Variants in INSYN2B observed in about 807,000 individuals in gnomAD.
INSYN2B encodes the protein inhibitory synaptic factor family member 2B.
A neutral mutation model predicts 41.2 loss-of-function variants in INSYN2B; 16 were observed. The observed-to-expected ratio is 0.39, with a 90% CI of 0.26 to 0.59. The LOEUF is 0.59. Ranked by LOEUF, INSYN2B falls within the 20% of genes least tolerant of loss-of-function variation. INSYN2B has a pLI of 0.57. For synonymous variants in INSYN2B, 245 were observed against 244.4 expected, an observed-to-expected ratio of 1.00 and a Z score of -0.02; for missense variants, 608 against 646.4, an observed-to-expected ratio of 0.94 and a Z score of 0.64.
intron 1 of INSYN2B, among the ~76,000 whole-genome samples, chr5:169,885,195 A>T (rs770099928): frequency 6.6e-6 from 1 of 152,234 alleles, no homozygotes; most frequent in Non-Finnish European, 1.5e-5. Context: ...ACAAATTGCA[A>T]CTGTTATTAA....
intron 1 of INSYN2B, among the ~76,000 whole-genome samples, chr5:169,932,837 T>C (rs564349560): frequency 1.3e-5 from 2 of 152,072 alleles, no homozygotes; most frequent in Admixed American, 1.3e-4. Context: ...AAAAAAGAGA[T>C]GTGATATCAT....
intron 1 of INSYN2B, among the ~76,000 whole-genome samples, chr5:169,970,588 C>G (rs760445058): frequency 1.7e-4 from 26 of 152,332 alleles, no homozygotes; most frequent in Non-Finnish European, 2.9e-4. Context: ...CCCATCTGTG[C>G]TGCAGGGAGG....
At chr5:169,960,555 A>G (rs1777040998) in intron 1 of INSYN2B, among the ~76,000 whole-genome samples, 2 of 152,216 alleles carry the variant, frequency 1.3e-5, no homozygotes, top group South Asian at 4.1e-4. Flanking sequence ...ATAGGTTTTC[A>G]AGGTGGATTG....
At chr5:169,968,798 A>G (rs1777392879) in intron 1 of INSYN2B, among the ~76,000 whole-genome samples, 1 of 152,186 alleles carries the variant, frequency 6.6e-6, no homozygotes, top group African/African-American at 2.4e-5. Context: ...GTGTGGTTAG[A>G]ACACAAAGAT....
intron 1 of INSYN2B, among the ~76,000 whole-genome samples, chr5:169,900,804 A>C (rs1339091166): frequency 6.6e-6 from 1 of 152,128 alleles, no homozygotes; most frequent in Non-Finnish European, 1.5e-5. Flanking sequence ...AAAACTGAAA[A>C]ATATTTCCTC....
At chr5:169,913,619 C>T (rs1443570434) in intron 1 of INSYN2B, among the ~76,000 whole-genome samples, 4 of 152,152 alleles carry the variant, frequency 2.6e-5, no homozygotes, top group Admixed American at 6.5e-5. Context: ...GGTTTGTATG[C>T]TCTTGGCTTT....
intron 1 of INSYN2B, among the ~76,000 whole-genome samples, chr5:169,956,320 G>T (rs1300743541): frequency 6.6e-6 from 1 of 152,160 alleles, no homozygotes; most frequent in Non-Finnish European, 1.5e-5. Flanking sequence ...AAAAATTAGG[G>T]AAATGATGCC....
At chr5:169,935,971 T>G (rs2113694039) in intron 1 of INSYN2B, among the ~76,000 whole-genome samples, 1 of 152,286 alleles carries the variant, frequency 6.6e-6, no homozygotes. Flanking sequence ...AAAGGCCAGG[T>G]ACACAGCCTT....
chr5:169,889,396 G>T (rs1773159749), intron 1 of INSYN2B, among the ~76,000 whole-genome samples: 2 of 152,204 alleles, frequency 1.3e-5, no homozygotes, highest in Admixed American at 1.3e-4. Context: ...ATACTGTGGA[G>T]ATTCCAAGGA....
At chr5:169,901,744 AT>A (rs1581386278) in intron 1 of INSYN2B, among the ~76,000 whole-genome samples, 1 of 152,346 alleles carries the variant, frequency 6.6e-6, no homozygotes, top group East Asian at 1.9e-4. Flanking sequence ...AGAAGGCAAC[AT>A]TTTGAGACAC....
Position 169,883,793 on chromosome 5 carries a change from G to C in INSYN2B, c.106C>G (p.Gln36Glu). 1 of 1,551,602 alleles carries C rather than the reference G, an allele frequency of 6.4e-7. No individual in the cohort carries two copies. Among genetic ancestry groups the C allele is most frequent in the Non-Finnish European group, 8.7e-7 (1 of 1,146,930 alleles). ...GTCCCATCTTCCTTGAATCTCACCT[G>C]CTGGGATTTGCTCCTGCGGTGGTGA... Reference protein sequence around the residue: ...QPHHRRSKSQQVRFKEDGTTK... With the variant: ...QPHHRRSKSQEVRFKEDGTTK... The change falls in exon 2 of 4, where the codon CAG (glutamine) becomes GAG (glutamate). Residue 36 changes from glutamine (Q) to glutamate (E), a missense_variant. By Grantham distance (29) the Gln-to-Glu change is conservative (BLOSUM62 2). Transcript: ENST00000377365.
intron 3 of INSYN2B, among the ~76,000 whole-genome samples, chr5:169,870,481 G>A (rs746774655): frequency 6.6e-6 from 1 of 152,148 alleles, no homozygotes; most frequent in Non-Finnish European, 1.5e-5. Flanking sequence ...GAGCCAAAAG[G>A]AGATAAAAAT....
chr5:169,927,418 T>C (rs1051132596), intron 1 of INSYN2B, among the ~76,000 whole-genome samples: 1 of 152,168 alleles, frequency 6.6e-6, no homozygotes, highest in Non-Finnish European at 1.5e-5. Context: ...TAAGTTTGCA[T>C]GTGGTGCCGA....
intron 1 of INSYN2B, 55 bp from the exon 2 acceptor site, chr5:169,884,871 AT>A (rs771577465): frequency 6.6e-6 from 1 of 152,300 alleles, no homozygotes; most frequent in East Asian, 1.9e-4. Context: ...GTGGACCTGG[AT>A]TTCTCTTCAA....
At chr5:169,924,593 A>G (rs1352198967) in intron 1 of INSYN2B, among the ~76,000 whole-genome samples, 6 of 152,176 alleles carry the variant, frequency 3.9e-5, no homozygotes, top group African/African-American at 1.2e-4. Flanking sequence ...CTTCAGAGCT[A>G]TTCAATCATG....
chr5:169,966,597 C>T (rs1318736571), intron 1 of INSYN2B, among the ~76,000 whole-genome samples: 1 of 152,144 alleles, frequency 6.6e-6, no homozygotes, highest in Non-Finnish European at 1.5e-5. Context: ...AATCACCACA[C>T]TCAGCATAGG....
intron 1 of INSYN2B, among the ~76,000 whole-genome samples, chr5:169,935,203 A>T (rs1775929489): frequency 6.6e-6 from 1 of 152,200 alleles, no homozygotes; most frequent in Non-Finnish European, 1.5e-5. Flanking sequence ...GCAGCATGCC[A>T]TTGCCGTTTC....
At chr5:169,975,305 T>C (rs1021600063) in intron 1 of INSYN2B, among the ~76,000 whole-genome samples, 5 of 152,190 alleles carry the variant, frequency 3.3e-5, no homozygotes, top group South Asian at 4.1e-4. Flanking sequence ...GGAAAATGCT[T>C]CTCTAAAGAG....
intron 1 of INSYN2B, among the ~76,000 whole-genome samples, chr5:169,885,196 C>G (rs1158518844): frequency 1.3e-5 from 2 of 152,216 alleles, no homozygotes; most frequent in African/African-American, 4.8e-5. Flanking sequence ...CAAATTGCAA[C>G]TGTTATTAAA....
Sources: allele counts gnomAD v4.1 joint callset (sites outside exome capture counted in the v4.1 genomes callset), GRCh38; gene constraint gnomAD v4.1.1; transcripts MANE v1.5; gene names NCBI Gene and HGNC (gene_info 2026-07-23, HGNC 2026-07-21).